Variants in SMARCD3 observed in about 807,000 individuals in gnomAD.
The protein encoded by SMARCD3 is SWI/SNF related BAF chromatin remodeling complex subunit D3.
SMARCD3 carries 14 observed loss-of-function variants against 58.0 expected under a neutral mutation model. The ratio of observed to expected loss-of-function variants is 0.24; its 90% CI spans 0.16 to 0.38. The LOEUF (loss-of-function observed/expected upper bound fraction) is 0.38, where lower values mean the gene tolerates loss of function less well. SMARCD3 is among the 10% of genes least tolerant of loss of function. SMARCD3 has a pLI of 1.00. For missense variants in SMARCD3, 408 were observed against 636.9 expected (o/e 0.64, Z 3.87); for synonymous variants, 253 against 253.8 (o/e 1.00, Z 0.03).
intron 2 of SMARCD3, among the ~76,000 whole-genome samples, chr7:151,267,491 C>T (rs560410567): frequency 1.3e-5 from 2 of 152,184 alleles, no homozygotes; most frequent in African/African-American, 4.8e-5. Flanking sequence ...GTTGGTACTC[C>T]GGGTTTAAGA....
intron 2 of SMARCD3, among the ~76,000 whole-genome samples, chr7:151,264,717 C>T (rs1294528953): frequency 6.6e-6 from 1 of 152,242 alleles, no homozygotes; most frequent in African/African-American, 2.4e-5. Context: ...GCCCAAGCCT[C>T]TGCTGGAGGC....
In SMARCD3 at chr7:151,242,064, CTG is replaced by C; in HGVS notation, c.675+71_675+72del. ...CTCTAGGGTGGTCCCTGACCCAAAT[CTG>C]TGCTGGTTCTTCAGGGATTCTGGCC... On this transcript the variant is annotated intron_variant, in intron 6 of 12. Transcript: ENST00000262188. The surrounding 1 kb of genome is among the most constrained non-coding windows in gnomAD (Gnocchi z 4.7). The C allele has an allele frequency of 6.5e-7, 1 of 1,541,040 alleles. No homozygotes were observed. The highest frequency in any genetic ancestry group is 9.0e-7 in the Non-Finnish European group (1 of 1,114,032).
In SMARCD3 at chr7:151,246,177, A is replaced by C. The variant is rs1273622651; in HGVS notation, c.79-506T>G. On this transcript the variant is annotated intron_variant, in intron 1 of 12. Transcript: ENST00000262188. This position sits in a 1 kb window ranked among gnomAD's most constrained non-coding sequence, Gnocchi z 4.4. ...GGCTTTGCTCTCTGCGGCTTGGTTGAGGTCCGGTACCCGGCTCCCTGCTCC... is the reference window on the plus strand; with the variant it reads ...GGCTTTGCTCTCTGCGGCTTGGTTGCGGTCCGGTACCCGGCTCCCTGCTCC... 6.6e-6 allele frequency: 1 copy of C among 152,462 alleles called. No homozygotes were observed. Among genetic ancestry groups the C allele is most frequent in the African/African-American group, 2.4e-5 (1 of 41,334 alleles). 9.4% of individuals were successfully genotyped at this position (152,462 alleles called of 1,614,324 possible). A position where few individuals can be genotyped will look rare whatever the true frequency, so the allele number is the denominator to read the frequency against.
chr7:151,261,076 G>A (rs906013347), intron 2 of SMARCD3, among the ~76,000 whole-genome samples: 11 of 152,184 alleles, frequency 7.2e-5, no homozygotes, highest in Admixed American at 3.3e-4. Context: ...GTTGGGGCGC[G>A]CTCTCGGCAA....
At chr7:151,254,918 C>T (rs1398787878) in intron 2 of SMARCD3, among the ~76,000 whole-genome samples, 2 of 152,350 alleles carry the variant, frequency 1.3e-5, no homozygotes, top group East Asian at 3.9e-4. Context: ...AGTCCATCTG[C>T]ATTTCTAAAC....
In SMARCD3 at chr7:151,241,996, G is replaced by A. The variant is rs1214927659; in HGVS notation, c.676-18C>T. The A allele has an allele frequency of 6.2e-7, 1 of 1,601,392 alleles. No individual in the cohort carries two copies. The highest frequency in any genetic ancestry group is 1.7e-5 in the Admixed American group (1 of 58,974). The stretch of plus-strand genomic sequence containing the variant: ...CGATGCCACTGTCCAGGAGAGAAGA[G>A]CTGTGTCTCCCAAAGGCCCATCTGG... On this transcript the variant is annotated intron_variant, in intron 6 of 12. Transcript: ENST00000262188. This position sits in a 1 kb window ranked among gnomAD's most constrained non-coding sequence, Gnocchi z 5.3.
Position 151,239,513 on chromosome 7 carries a change from G to T in SMARCD3, c.1297-16C>A. ...CTGTCATCACCTGGGAGGGAGCGTG[G>T]GGTGAGCCCTGAGCCCTGAATCCCC... On this transcript the variant is annotated splice_polypyrimidine_tract_variant and intron_variant, in intron 11 of 12. Transcript: ENST00000262188. This position sits in a 1 kb window ranked among gnomAD's most constrained non-coding sequence, Gnocchi z 7.0. 1 of 1,611,456 alleles carries T rather than the reference G, an allele frequency of 6.2e-7. No individual in the cohort carries two copies. Among genetic ancestry groups the T allele is most frequent in the Non-Finnish European group, 8.5e-7 (1 of 1,177,928 alleles).
At chr7:151,267,315 C>G (rs1352728709) in intron 2 of SMARCD3, among the ~76,000 whole-genome samples, 2 of 152,196 alleles carry the variant, frequency 1.3e-5, no homozygotes, top group African/African-American at 4.8e-5. Flanking sequence ...GACAGGAACA[C>G]AAGGCGTAGA....
chr7:151,241,869 G>T lies in SMARCD3; in HGVS notation c.777+8C>A. The T allele has an allele frequency of 6.2e-7, 1 of 1,604,704 alleles. No homozygotes were observed. The highest frequency in any genetic ancestry group is 8.5e-7 in the Non-Finnish European group (1 of 1,174,716). On this transcript the variant is annotated splice_region_variant and intron_variant, in intron 7 of 12. Coordinates refer to ENST00000262188, the MANE Select transcript of SMARCD3 (RefSeq NM_001003801.2). This position sits in a 1 kb window ranked among gnomAD's most constrained non-coding sequence, Gnocchi z 5.3. The stretch of plus-strand genomic sequence containing the variant: ...TGGCGTGTACGGGGCAGCATGGCAG[G>T]TGCAGACCTGGTAGTCCAGCATGAG...
chr7:151,245,521 C>A lies in SMARCD3; in HGVS notation c.229G>T (p.Gly77Trp). The A allele has an allele frequency of 8.2e-7, 1 of 1,222,682 alleles. No individual in the cohort carries two copies. Among genetic ancestry groups the A allele is most frequent in the Non-Finnish European group, 1.0e-6 (1 of 981,268 alleles). The allele number at this position is 1,222,682 out of a possible 1,614,324, so 75.7% of individuals were successfully genotyped here. The stretch of plus-strand genomic sequence containing the variant: ...CCCTGGCTCTGTGCCTGGCTCTGCC[C>A]GGGCGGGGGCGCTGCTCGCTTGCGG... ...PARKRAAPPP[G>W]QSQAQSQGQP... Residue 77 changes from glycine (G) to tryptophan (W), a missense_variant, in exon 2 of 13, where the codon GGG becomes TGG. By Grantham distance (184) the Gly-to-Trp change is radical (BLOSUM62 -2). Transcript: ENST00000262188. The surrounding 1 kb of genome is among the most constrained non-coding windows in gnomAD (Gnocchi z 6.2).
At chr7:151,256,686 G>A (rs910103846) in intron 2 of SMARCD3, among the ~76,000 whole-genome samples, 14 of 152,018 alleles carry the variant, frequency 9.2e-5, no homozygotes, top group Non-Finnish European at 1.3e-4. Context: ...ACCCCGACAG[G>A]AGTTTTTTGC....
At chr7:151,244,376 G>T (rs1803154075) in intron 2 of SMARCD3, among the ~76,000 whole-genome samples, 1 of 152,154 alleles carries the variant, frequency 6.6e-6, no homozygotes, top group Admixed American at 6.5e-5. Flanking sequence ...GCAGCTGGAT[G>T]TGGGCTCTTT....
Position 151,239,816 on chromosome 7 carries a change from G to T in SMARCD3, c.1174-70C>A. The T allele has an allele frequency of 6.6e-7, 1 of 1,506,788 alleles. No individual in the cohort carries two copies. Among genetic ancestry groups the T allele is most frequent in the Non-Finnish European group, 9.2e-7 (1 of 1,087,106 alleles). 93.3% of individuals were successfully genotyped at this position (1,506,788 alleles called of 1,614,324 possible). A position where few individuals can be genotyped will look rare whatever the true frequency, so the allele number is the denominator to read the frequency against. Reference sequence around the variant, plus strand: ...TGGGAGACGAGGGGAAAGGAAGCGGGTGGGAAGGGGAGGGAGAGGGGGTTT... The same window carrying T: ...TGGGAGACGAGGGGAAAGGAAGCGGTTGGGAAGGGGAGGGAGAGGGGGTTT... On this transcript the variant is annotated intron_variant, in intron 10 of 12. Coordinates refer to ENST00000262188, the MANE Select transcript of SMARCD3 (RefSeq NM_001003801.2). The surrounding 1 kb of genome is among the most constrained non-coding windows in gnomAD (Gnocchi z 7.0).
rs771439427 is a variant in SMARCD3 at position 151,240,249 on chromosome 7, T to A, written c.1038-2A>T. 6.2e-7 allele frequency: 1 copy of A among 1,613,270 alleles called. No homozygotes were observed. The highest frequency in any genetic ancestry group is 1.3e-5 in the African/African-American group (1 of 74,670). Reference sequence around the variant, plus strand: ...TTCTTCTGGTCTGAAGGGTCCACGCTGCCAGGGAAGTCCAGCCCTTCGTGT... The same window carrying A: ...TTCTTCTGGTCTGAAGGGTCCACGCAGCCAGGGAAGTCCAGCCCTTCGTGT... On this transcript the variant is annotated splice_acceptor_variant, in intron 9 of 12. Transcript: ENST00000262188. LOFTEE classifies it high-confidence loss of function.
intron 2 of SMARCD3, among the ~76,000 whole-genome samples, chr7:151,268,363 G>A (rs1340452549): frequency 2.0e-5 from 3 of 152,314 alleles, no homozygotes; most frequent in Admixed American, 6.5e-5. Flanking sequence ...AGAGCCCTCC[G>A]ATTTGCCACA....
chr7:151,242,532 G>T lies in SMARCD3; in HGVS notation c.528C>A (p.Asp176Glu). The T allele has an allele frequency of 1.5e-5, 24 of 1,614,114 alleles. No individual in the cohort carries two copies. Among genetic ancestry groups the T allele is most frequent in the Non-Finnish European group, 2.0e-5 (24 of 1,180,008 alleles). ...GTAGCTCCCAGGAGGCAATGCTGCCGTCGGAATCCTCAGCATCAGGCTTCG... is the reference window on the plus strand; with the variant it reads ...GTAGCTCCCAGGAGGCAATGCTGCCTTCGGAATCCTCAGCATCAGGCTTCG... ...NPAKPDAEDS[D>E]GSIASWELRV... The change falls in exon 5 of 13, where the codon GAC becomes GAA. Residue 176 changes from aspartate to glutamate, a missense_variant. Physicochemically the swap from Asp to Glu is conservative, Grantham distance 45. Coordinates refer to ENST00000262188, the MANE Select transcript of SMARCD3 (RefSeq NM_001003801.2). The surrounding 1 kb of genome is among the most constrained non-coding windows in gnomAD (Gnocchi z 4.7).
At chr7:151,251,884 C>A (rs1255207983), upstream of SMARCD3, among the ~76,000 whole-genome samples, 2 of 147,252 alleles carry the variant, frequency 1.4e-5, no homozygotes, top group African/African-American at 4.9e-5. Context: ...CGCGCCCGAG[C>A]GAGCGGGCGG....
chr7:151,276,689 G>A (rs894745195), intron 1 of SMARCD3: 148 of 75,420 alleles, frequency 2.0e-3, no homozygotes, highest in Non-Finnish European at 2.5e-3. Flanking sequence ...AAAGAGTCAG[G>A]AGTGGGGGGA....
upstream of SMARCD3, among the ~76,000 whole-genome samples, chr7:151,249,131 T>A (rs1377429155): frequency 1.3e-5 from 2 of 152,004 alleles, no homozygotes; most frequent in Non-Finnish European, 1.5e-5. The surrounding 1 kb of genome is among the most constrained non-coding windows in gnomAD (Gnocchi z 4.8). Flanking sequence ...GCTGCATTTC[T>A]GAGGCCCTTT....
Sources: allele counts gnomAD v4.1 joint callset (sites outside exome capture counted in the v4.1 genomes callset), GRCh38; gene constraint gnomAD v4.1.1; non-coding constraint Gnocchi (gnomAD v3.1); transcripts MANE v1.5; gene names NCBI Gene and HGNC (gene_info 2026-07-23, HGNC 2026-07-21).